The following FIBP variants were observed in gnomAD, a reference collection of about 807,000 sequenced individuals.
The protein encoded by FIBP is FGF1 intracellular binding protein.
In FIBP, 29 loss-of-function variants were observed where a neutral mutation model predicts 40.5. That is an observed-to-expected ratio of 0.72 (90% CI 0.53 to 0.98). The LOEUF is 0.98. FIBP is among the 50% of genes least tolerant of loss of function. The pLI, the probability that FIBP is intolerant of heterozygous loss-of-function variation, is 0.00. For missense variants in FIBP, 411 were observed against 470.2 expected (o/e 0.87, Z 1.16); for synonymous variants, 215 against 191.1 (o/e 1.13, Z -1.03).
Position 65,885,205 on chromosome 11 carries a change from G to A in FIBP, c.647-19C>T, listed in dbSNP as rs1281927360. On this transcript the variant is annotated intron_variant, in intron 5 of 9. Transcript: ENST00000357519. The stretch of plus-strand genomic sequence containing the variant: ...TGTGAGTCTGTGAGGCCATGAAGGG[G>A]GTGGGGGTGGGTGATAAAAACCCCT... 2 of 1,402,968 alleles carry A rather than the reference G, an allele frequency of 1.4e-6. No homozygotes were observed. The highest frequency in any genetic ancestry group is 1.7e-5 in the Admixed American group (1 of 59,484). The allele number at this position is 1,402,968 out of a possible 1,614,324, so 86.9% of individuals were successfully genotyped here.
Position 65,886,440 on chromosome 11 carries a change from T to C in FIBP, c.412-18A>G. ...TTGTCAAACTGCAGGGCAGTTAGGG[T>C]AGAAGAGAGGACTGGTCAGAGTGTA... On this transcript the variant is annotated intron_variant, in intron 3 of 9. Coordinates refer to ENST00000357519, the MANE Select transcript of FIBP (RefSeq NM_004214.5). The C allele has an allele frequency of 6.4e-7, 1 of 1,554,638 alleles. No homozygotes were observed. Among genetic ancestry groups the C allele is most frequent in the Non-Finnish European group, 8.9e-7 (1 of 1,125,860 alleles).
chr11:65,884,909 G>T (rs188776710), intron 7 of FIBP, 26 bp downstream of exon 7: 4 of 1,613,436 alleles, frequency 2.5e-6, no homozygotes, highest in African/African-American at 1.3e-5. Flanking sequence ...GATGCCAAGG[G>T]TCAGAGGCTG....
chr11:65,884,005 C>T lies in FIBP; in HGVS notation c.1043G>A (p.Arg348His), dbSNP rs372356056. ...ATGATACAGGCGCAGGAGGCAGCCG[C>T]GGAGGGTGCCCATGTAGCGGTCCCA... ...ALWDRYMGTL[R>H]GCLLRLYHD Residue 348 changes from arginine (R) to histidine (H), a missense_variant, in exon 10 of 10, where the codon CGC becomes CAC. By Grantham distance (29) the Arg-to-His change is conservative (BLOSUM62 0). Coordinates refer to ENST00000357519, the MANE Select transcript of FIBP (RefSeq NM_004214.5). The T allele has an allele frequency of 3.5e-5, 57 of 1,613,998 alleles. 1 individual carries two copies. The highest frequency in any genetic ancestry group is 2.9e-4 in the East Asian group (13 of 44,886).
Position 65,884,462 on chromosome 11 carries a change from A to G in FIBP, c.934T>C (p.Trp312Arg). The G allele has an allele frequency of 6.2e-7, 1 of 1,614,188 alleles. No individual in the cohort carries two copies. The highest frequency in any genetic ancestry group is 8.5e-7 in the Non-Finnish European group (1 of 1,180,024). ...AAGAACCGCACGTCGCTGAGTGGCCAGTGGTCGGAGCGGCAGGGTTCCACA... is the reference window on the plus strand; with the variant it reads ...AAGAACCGCACGTCGCTGAGTGGCCGGTGGTCGGAGCGGCAGGGTTCCACA... ...KFVEPCRSDH[W>R]PLSDVRFFLN... Residue 312 changes from tryptophan to arginine, a missense_variant, in exon 9 of 10, where the codon TGG becomes CGG. Transcript: ENST00000357519.
chr11:65,883,904 C>G lies in FIBP; in HGVS notation c.*70G>C. ...ATCTGCACGCCCCCCACTTGCTCCC[C>G]GGAGCGAGGACCAGTCTCCAAACTC... On this transcript the variant is annotated 3_prime_UTR_variant, in exon 10 of 10. Transcript: ENST00000357519. The G allele has an allele frequency of 7.1e-7, 1 of 1,404,342 alleles. No homozygotes were observed. Among genetic ancestry groups the G allele is most frequent in the South Asian group, 1.2e-5 (1 of 83,118 alleles). The allele number at this position is 1,404,342 out of a possible 1,614,324, so 87.0% of individuals were successfully genotyped here. A position where few individuals can be genotyped will look rare whatever the true frequency, so the allele number is the denominator to read the frequency against.
In FIBP at chr11:65,886,274, C is replaced by T. The variant is rs553306713; in HGVS notation, c.512+48G>A. The T allele has an allele frequency of 5.3e-5, 71 of 1,350,856 alleles. No homozygotes were observed. The South Asian group carries it at 5.3e-4, about 10-fold the overall frequency. 83.7% of individuals were successfully genotyped at this position (1,350,856 alleles called of 1,614,324 possible). On this transcript the variant is annotated intron_variant, in intron 4 of 9. Transcript: ENST00000357519. ...GGGGTAGGGAAGGTGGACGAGCCTCCGGGCCCAGGAAGTAGTGTGCGGGAT... is the reference window on the plus strand; with the variant it reads ...GGGGTAGGGAAGGTGGACGAGCCTCTGGGCCCAGGAAGTAGTGTGCGGGAT...
At chr11:65,884,310 C>G in intron 9 of FIBP, 82 bp downstream of exon 9, 1 of 1,291,012 alleles carries the variant, frequency 7.7e-7, no homozygotes, top group Non-Finnish European at 1.1e-6. Context: ...GAATGGGGAA[C>G]CTTGAGTCTG....
In FIBP at chr11:65,884,654, G is replaced by A; in HGVS notation, c.822C>T (p.Asn274=). The A allele has an allele frequency of 6.2e-7, 1 of 1,614,074 alleles. No individual in the cohort carries two copies. Among genetic ancestry groups the A allele is most frequent in the Non-Finnish European group, 8.5e-7 (1 of 1,179,990 alleles). The change falls in exon 8 of 10, where the codon AAC becomes AAT. Residue 274 remains asparagine (N), a splice_region_variant and synonymous_variant. Coordinates refer to ENST00000357519, the MANE Select transcript of FIBP (RefSeq NM_004214.5). ...CCACGTTCACCAGCCCCCGGGACAG[G>A]TTCTGTGGGGCAGGGATCCTTGGAG... ...VFSEMEANFK[N]LSRGLVNVAA...
At chr11:65,884,727 G>A in intron 7 of FIBP, 71 bp from the exon 8 acceptor site, 1 of 1,524,624 alleles carries the variant, frequency 6.6e-7, no homozygotes, top group Non-Finnish European at 9.1e-7. Flanking sequence ...GAAGCTGGGG[G>A]AGGAGGAGCA....
At position 65,883,836 on chromosome 11, in the gene FIBP, C is replaced by A. The variant is rs1565279572; in HGVS notation, c.*138G>T. On this transcript the variant is annotated 3_prime_UTR_variant, in exon 10 of 10. Transcript: ENST00000357519. ...CCAAGGAGCCACTGTACACATCCATCCTTGTACACGGACACCAGGTGCTCA... is the reference window on the plus strand; with the variant it reads ...CCAAGGAGCCACTGTACACATCCATACTTGTACACGGACACCAGGTGCTCA... 2.5e-6 allele frequency: 2 copies of A among 799,780 alleles called. No homozygotes were observed. The highest frequency in any genetic ancestry group is 5.3e-5 in the East Asian group (2 of 37,608). The allele number at this position is 799,780 out of a possible 1,614,324, so 49.5% of individuals were successfully genotyped here.
chr11:65,887,193 T>A (rs1306696222), intron 3 of FIBP: 1 of 350,326 alleles, frequency 2.9e-6, no homozygotes, highest in Non-Finnish European at 5.5e-6. Context: ...ACGCCTGTAA[T>A]GTCAGCACTT....
Position 65,888,451 on chromosome 11 carries a change from G to T in FIBP, c.-33C>A, listed in dbSNP as rs762853367. ...CCCGGGGCCGCAGCGCCCCGAGCAG[G>T]AGCGAGCACTGCTCGGGACTGGCGC... On this transcript the variant is annotated 5_prime_UTR_variant, in exon 1 of 10. Coordinates refer to ENST00000357519, the MANE Select transcript of FIBP (RefSeq NM_004214.5). The T allele has an allele frequency of 3.3e-6, 5 of 1,510,740 alleles. No homozygotes were observed. The highest frequency in any genetic ancestry group is 1.2e-5 in the South Asian group (1 of 83,626). 93.6% of individuals were successfully genotyped at this position (1,510,740 alleles called of 1,614,324 possible).
intron 9 of FIBP, 26 bp downstream of exon 9, chr11:65,884,366 C>G (rs1860171072): frequency 1.2e-6 from 2 of 1,606,496 alleles, no homozygotes; most frequent in Admixed American, 3.4e-5. Context: ...CAAAGCCAAG[C>G]TGGACAGGAG....
In FIBP at chr11:65,886,345, G is replaced by A. The variant is rs1860237698; in HGVS notation, c.489C>T (p.Phe163=). 1.9e-6 allele frequency: 3 copies of A among 1,613,594 alleles called. No individual in the cohort carries two copies. Among genetic ancestry groups the A allele is most frequent in the Non-Finnish European group, 2.5e-6 (3 of 1,179,754 alleles). ...ACCTGGCCAACCGGTCAGAGAGGAG[G>A]AAGTGTTGCTGAATATTGTCCACCA... ...GSLVDNIQQH[F]LLSDRLARDY... The change falls in exon 4 of 10, where the codon TTC becomes TTT. Residue 163 remains phenylalanine (F), a synonymous_variant. Transcript: ENST00000357519.
Position 65,884,979 on chromosome 11 carries a change from G to A in FIBP, c.775C>T (p.Arg259Trp), listed in dbSNP as rs368306000. ...TCAGAGAAGACGCCCAGCTTTCCCC[G>A]GAGAGCAGTGCACACCAGGCTGCAG... ...LHKSLVCTALRGKLGVFSEME... is the reference protein window; with the variant it reads ...LHKSLVCTALWGKLGVFSEME... The change falls in exon 7 of 10, where the codon CGG becomes TGG. Residue 259 changes from arginine (R) to tryptophan (W), a missense_variant. Transcript: ENST00000357519. 103 of 1,614,038 alleles carry A rather than the reference G, an allele frequency of 6.4e-5. No individual in the cohort carries two copies. The highest frequency in any genetic ancestry group is 8.0e-5 in the Non-Finnish European group (94 of 1,180,034).
chr11:65,885,024 T>C (rs774963051), intron 6 of FIBP, 26 bp from the exon 7 acceptor site: 2 of 1,614,056 alleles, frequency 1.2e-6, no homozygotes, highest in South Asian at 2.2e-5. Flanking sequence ...GTCACGCCTA[T>C]AGCCACCTGG....
At position 65,886,348 on chromosome 11, in the gene FIBP, G is replaced by A. The variant is rs373269395; in HGVS notation, c.486C>T (p.His162=). The change falls in exon 4 of 10, where the codon CAC becomes CAT. Residue 162 remains histidine, a synonymous_variant. Coordinates refer to ENST00000357519, the MANE Select transcript of FIBP (RefSeq NM_004214.5). ...TGGCCAACCGGTCAGAGAGGAGGAA[G>A]TGTTGCTGAATATTGTCCACCAGGG... ...RGSLVDNIQQ[H]FLLSDRLARD... is the part of the protein sequence containing the mutation. The A allele has an allele frequency of 3.1e-6, 5 of 1,613,726 alleles. No individual in the cohort carries two copies. In the African/African-American group the frequency reaches 6.7e-5, roughly 22 times the overall value.
Position 65,884,625 on chromosome 11 carries a change from G to A in FIBP, c.851C>T (p.Ala284Val). 2 of 1,614,154 alleles carry A rather than the reference G, an allele frequency of 1.2e-6. No homozygotes were observed. The highest frequency in any genetic ancestry group is 1.7e-6 in the Non-Finnish European group (2 of 1,180,022). ...GACATCTTTATTGTGGGTCAGCTTG[G>A]CGGCCACGTTCACCAGCCCCCGGGA... ...NLSRGLVNVA[A>V]KLTHNKDVRD... The change falls in exon 8 of 10, where the codon GCC (alanine) becomes GTC (valine). Residue 284 changes from alanine to valine, a missense_variant. Ala to Val is a moderately conservative substitution (Grantham distance 64). Transcript: ENST00000357519.
Position 65,888,004 on chromosome 11 carries a change from C to A in FIBP, c.214G>T (p.Ala72Ser), listed in dbSNP as rs1445691963. The change falls in exon 2 of 10, where the codon GCG (alanine) becomes TCG (serine). Residue 72 changes from alanine to serine, a missense_variant. Physicochemically the swap from Ala to Ser is moderately conservative, Grantham distance 99 (BLOSUM62 1). Coordinates refer to ENST00000357519, the MANE Select transcript of FIBP (RefSeq NM_004214.5). ...TFHMLERLLH[A>S]PPKLLHQLIF... ...AGCTGGTGCAGTAGCTTGGGCGGCGCATGCAGCAGCCGCTCGAGCATGTGG... is the reference window on the plus strand; with the variant it reads ...AGCTGGTGCAGTAGCTTGGGCGGCGAATGCAGCAGCCGCTCGAGCATGTGG... 2 of 1,613,140 alleles carry A rather than the reference C, an allele frequency of 1.2e-6. No homozygotes were observed. Among genetic ancestry groups the A allele is most frequent in the South Asian group, 1.1e-5 (1 of 90,996 alleles).
Sources: gnomAD v4.1 joint callset for allele counts on GRCh38, gnomAD v4.1.1 for gene constraint, MANE v1.5 for transcripts, NCBI Gene and HGNC (gene_info 2026-07-23, HGNC 2026-07-21) for gene names.